The following COMMD10 variants were observed in gnomAD, a reference collection of about 807,000 sequenced individuals.
The protein encoded by COMMD10 is COMM domain-containing protein 10.
In COMMD10, 33 loss-of-function variants were observed where a neutral mutation model predicts 28.9. That is an observed-to-expected ratio of 1.14 (90% CI 0.87 to 1.53). The LOEUF (loss-of-function observed/expected upper bound fraction) is 1.53. Among genes scored for constraint, COMMD10 ranks in the 40% most tolerant of loss-of-function variants. The pLI is 0.00. For synonymous variants in COMMD10, 110 were observed against 81.7 expected (o/e 1.35, Z -1.87); for missense variants, 310 against 233.4 (o/e 1.33, Z -2.14).
intron 5 of COMMD10, among the ~76,000 whole-genome samples, chr5:116,179,698 G>C (rs1037324017): frequency 6.6e-6 from 1 of 152,094 alleles, no homozygotes; most frequent in African/African-American, 2.4e-5. Context: ...GTTTTTATGG[G>C]ATAGGCACCA....
intron 4 of COMMD10, among the ~76,000 whole-genome samples, chr5:116,119,923 A>G (rs1003639146): frequency 9.2e-5 from 14 of 152,110 alleles, no homozygotes; most frequent in Non-Finnish European, 1.6e-4. Flanking sequence ...CCTGCCTTGT[A>G]TCTTTAAAAA....
intron 5 of COMMD10, among the ~76,000 whole-genome samples, chr5:116,266,610 A>C (rs949689151): frequency 6.6e-6 from 1 of 151,700 alleles, no homozygotes; most frequent in Non-Finnish European, 1.5e-5. Context: ...AAGTACAACA[A>C]AAGATAGTTG....
chr5:116,219,229 C>A (rs1189241692), intron 5 of COMMD10, among the ~76,000 whole-genome samples: 2 of 89,322 alleles, frequency 2.2e-5, no homozygotes, highest in South Asian at 1.1e-3. Context: ...GTTGTTTAAG[C>A]CACCCAGTCT....
chr5:116,185,638 C>G (rs1289650205), intron 5 of COMMD10, among the ~76,000 whole-genome samples: 4 of 152,028 alleles, frequency 2.6e-5, no homozygotes, highest in Admixed American at 6.6e-5. Flanking sequence ...GGACAAGGGT[C>G]CTATGTAAAG....
chr5:116,178,528 G>T (rs1219589694), intron 5 of COMMD10, among the ~76,000 whole-genome samples: 3 of 152,084 alleles, frequency 2.0e-5, no homozygotes, highest in Non-Finnish European at 4.4e-5. Flanking sequence ...ATGTAAATGT[G>T]TAAATATTTA....
intron 5 of COMMD10, among the ~76,000 whole-genome samples, chr5:116,166,899 A>G (rs1456056712): frequency 6.6e-6 from 1 of 152,144 alleles, no homozygotes; most frequent in Non-Finnish European, 1.5e-5. Flanking sequence ...AAAAAAACCA[A>G]TGCAGAAAGG....
intron 5 of COMMD10, among the ~76,000 whole-genome samples, chr5:116,281,085 C>T (rs187359308): frequency 6.6e-5 from 10 of 151,748 alleles, no homozygotes; most frequent in African/African-American, 2.2e-4. Context: ...ATTCTGATAT[C>T]CAATTTAAGG....
intron 5 of COMMD10, among the ~76,000 whole-genome samples, chr5:116,265,003 T>C (rs1226353749): frequency 6.6e-6 from 1 of 151,814 alleles, no homozygotes; most frequent in Non-Finnish European, 1.5e-5. Context: ...ATGTTTTTTA[T>C]ATTATTATGG....
At chr5:116,150,313 T>C (rs1752481958) in intron 5 of COMMD10, among the ~76,000 whole-genome samples, 1 of 152,166 alleles carries the variant, frequency 6.6e-6, no homozygotes, top group African/African-American at 2.4e-5. Context: ...TTTTTTCTTT[T>C]TGCTTAGGAT....
chr5:116,178,005 A>G (rs532512457), intron 5 of COMMD10, among the ~76,000 whole-genome samples: 10 of 152,138 alleles, frequency 6.6e-5, no homozygotes, highest in Admixed American at 1.3e-4. Context: ...ACTTAAAAAG[A>G]TAGGGTTCAG....
At chr5:116,264,966 A>G (rs1394087629) in intron 5 of COMMD10, among the ~76,000 whole-genome samples, 1 of 151,748 alleles carries the variant, frequency 6.6e-6, no homozygotes, top group Non-Finnish European at 1.5e-5. Context: ...TTTTGTTTTC[A>G]TGTGTTCTTT....
rs114453961 is a variant in COMMD10 at position 116,286,779 on chromosome 5, A to G, written c.511-4738A>G. On this transcript the variant is annotated intron_variant, in intron 5 of 6. Coordinates refer to ENST00000274458, the MANE Select transcript of COMMD10 (RefSeq NM_016144.4). ...TAAGATTTGTTTTGTGGCCCAATGCATGGTCTTATCCCAGAGAATGTTCCA... is the reference window on the plus strand; with the variant it reads ...TAAGATTTGTTTTGTGGCCCAATGCGTGGTCTTATCCCAGAGAATGTTCCA... 3.0e-3 allele frequency among the ~76,000 whole-genome samples: 455 copies of G among 151,914 alleles called. 15 individuals carry two copies. Among genetic ancestry groups the G allele is most frequent in the African/African-American group, 0.011 (437 of 41,308 alleles).
At chr5:116,239,944 C>A (rs886877025) in intron 5 of COMMD10, among the ~76,000 whole-genome samples, 2 of 152,032 alleles carry the variant, frequency 1.3e-5, no homozygotes, top group African/African-American at 2.4e-5. Context: ...TTCACTCCCC[C>A]CCAAGGAGAG....
intron 5 of COMMD10, among the ~76,000 whole-genome samples, chr5:116,285,968 T>C (rs1029930046): frequency 4.6e-5 from 7 of 151,888 alleles, no homozygotes; most frequent in Non-Finnish European, 8.8e-5. Context: ...TTTGTAGAAT[T>C]GTCCAGTGAA....
intron 5 of COMMD10, among the ~76,000 whole-genome samples, chr5:116,139,467 TATTCAAATCATGA>T (rs1752128677): frequency 6.6e-6 from 1 of 151,778 alleles, no homozygotes; most frequent in Non-Finnish European, 1.5e-5. Context: ...ATATGTATGC[TATTCAAATCATGA>T]ATTCTTGTTA....
chr5:116,129,745 A>AG (rs1489568997), intron 4 of COMMD10, among the ~76,000 whole-genome samples: 1 of 4,742 alleles, frequency 2.1e-4, no homozygotes, highest in African/African-American at 1.3e-3. Flanking sequence ...GATATACAGT[A>AG]TATATATATA....
At chr5:116,188,312 C>A (rs1038698912) in intron 5 of COMMD10, 1 of 151,938 alleles carries the variant, frequency 6.6e-6, no homozygotes, top group African/African-American at 2.4e-5. Context: ...CTGGGGGTGG[C>A]GGGCATGGAA....
intron 4 of COMMD10, among the ~76,000 whole-genome samples, chr5:116,124,952 A>G (rs979559323): frequency 3.3e-5 from 5 of 152,088 alleles, no homozygotes; most frequent in Admixed American, 6.6e-5. Flanking sequence ...TTTTGAACCT[A>G]TGTGTGTCTC....
At chr5:116,192,899 G>A (rs1024791023) in intron 5 of COMMD10, among the ~76,000 whole-genome samples, 6 of 152,172 alleles carry the variant, frequency 3.9e-5, no homozygotes, top group African/African-American at 9.7e-5. Context: ...AATCTTAAGA[G>A]CTGTGAGACA....
Sources: gnomAD v4.1 joint callset for allele counts (sites outside exome capture counted in the v4.1 genomes callset) on GRCh38, gnomAD v4.1.1 for gene constraint, MANE v1.5 for transcripts, NCBI Gene and HGNC (gene_info 2026-07-23, HGNC 2026-07-21) for gene names.